RAPGEF4: variants seen among roughly 807,000 people sequenced by gnomAD.
RAPGEF4 encodes RAP guanine-nucleotide-exchange factor (GEF) 4.
RAPGEF4 carries 66 observed loss-of-function variants against 147.9 expected under a neutral mutation model. The ratio of observed to expected loss-of-function variants is 0.45; its 90% CI spans 0.37 to 0.55. The LOEUF (loss-of-function observed/expected upper bound fraction) is 0.55, where lower values mean the gene tolerates loss of function less well. Ranked by LOEUF, RAPGEF4 falls within the 20% of genes least tolerant of loss-of-function variation. The pLI is 0.00. For missense variants in RAPGEF4, 1,071 were observed against 1,257.3 expected (o/e 0.85, Z 2.24); for synonymous variants, 419 against 442.7 (o/e 0.95, Z 0.67).
rs564802766 is a variant in RAPGEF4, at chr2:172,766,408, C to T, written c.66-28617C>T. On this transcript the variant is annotated intron_variant, in intron 1 of 30. Transcript: ENST00000397081. Reference sequence around the variant, plus strand: ...CTCTACTAAAAATACTAAAATTAGCCGGGCATGCTGGCACGCGCCCATAGT... The same window carrying T: ...CTCTACTAAAAATACTAAAATTAGCTGGGCATGCTGGCACGCGCCCATAGT... Among the ~76,000 whole-genome samples the T allele has an allele frequency of 5.9e-5, 9 of 152,134 alleles. No homozygotes were observed. The East Asian group carries it at 1.2e-3, about 20-fold the overall frequency.
At position 172,925,184 on chromosome 2, in the gene RAPGEF4, T is replaced by A. The variant is rs557495672; in HGVS notation, c.537+2884T>A. On this transcript the variant is annotated intron_variant, in intron 6 of 30. Coordinates refer to ENST00000397081, the MANE Select transcript of RAPGEF4 (RefSeq NM_007023.4). Reference sequence around the variant, plus strand: ...TTAGTAGAGACAGGGTTTCATGATGTTAGCCAGGATGGTCTTGATCTCCTG... The same window carrying A: ...TTAGTAGAGACAGGGTTTCATGATGATAGCCAGGATGGTCTTGATCTCCTG... Among the ~76,000 whole-genome samples the A allele has an allele frequency of 7.8e-4, 119 of 152,340 alleles. 1 individual carries two copies. Among genetic ancestry groups the A allele is most frequent in the African/African-American group, 2.8e-3 (115 of 41,586 alleles).
At chr2:172,836,784 A>G (rs1354477372) in intron 4 of RAPGEF4, among the ~76,000 whole-genome samples, 1 of 152,246 alleles carries the variant, frequency 6.6e-6, no homozygotes, top group Non-Finnish European at 1.5e-5. Context: ...CTAGTCATTT[A>G]GTGCTTTCAA....
intron 4 of RAPGEF4, among the ~76,000 whole-genome samples, chr2:172,871,568 C>T (rs1326853727): frequency 6.6e-6 from 1 of 151,832 alleles, no homozygotes; most frequent in Non-Finnish European, 1.5e-5. Context: ...AAATAAGGTT[C>T]CCATTTCATA....
intron 1 of RAPGEF4, among the ~76,000 whole-genome samples, chr2:172,762,298 TAATCCAGCC>T (rs1202180554): frequency 6.6e-6 from 1 of 152,182 alleles, no homozygotes; most frequent in Admixed American, 6.5e-5. Context: ...CCCTCTCCAG[TAATCCAGCC>T]ACCCCACATG....
intron 1 of RAPGEF4, among the ~76,000 whole-genome samples, chr2:172,757,665 G>T (rs1477012656): frequency 6.6e-6 from 1 of 152,212 alleles, no homozygotes; most frequent in Non-Finnish European, 1.5e-5. Flanking sequence ...TGAATTAAGT[G>T]TATGAATGTC....
chr2:172,777,816 C>G (rs932440604), intron 1 of RAPGEF4, among the ~76,000 whole-genome samples: 5 of 152,050 alleles, frequency 3.3e-5, no homozygotes, highest in Admixed American at 6.6e-5. Flanking sequence ...TTCCCTTCTT[C>G]CTGGGATCAC....
chr2:173,011,337 A>G (rs774492366), intron 17 of RAPGEF4, among the ~76,000 whole-genome samples: 8 of 152,182 alleles, frequency 5.3e-5, no homozygotes, highest in Non-Finnish European at 8.8e-5. Context: ...AATAGTGGAA[A>G]GAGCCCTGTC....
chr2:172,753,256 G>C (rs866691985), intron 1 of RAPGEF4, among the ~76,000 whole-genome samples: 1 of 151,718 alleles, frequency 6.6e-6, no homozygotes, highest in African/African-American at 2.4e-5. Context: ...ATCACCTTTA[G>C]GGAAATAGTG....
At chr2:172,786,672 C>G (rs760957179) in intron 1 of RAPGEF4, among the ~76,000 whole-genome samples, 1 of 152,010 alleles carries the variant, frequency 6.6e-6, no homozygotes, top group South Asian at 2.1e-4. Context: ...GCCAGAAGTT[C>G]GAGACCAGCC....
intron 24 of RAPGEF4, 79 bp downstream of exon 24, chr2:173,026,776 T>C: frequency 6.5e-7 from 1 of 1,534,534 alleles, no homozygotes; most frequent in Non-Finnish European, 8.8e-7. Context: ...TTGTAAGTGC[T>C]AATATGTGCT....
At chr2:172,739,106 A>G (rs1198026070) in intron 1 of RAPGEF4, among the ~76,000 whole-genome samples, 2 of 152,180 alleles carry the variant, frequency 1.3e-5, no homozygotes, top group Non-Finnish European at 2.9e-5. Flanking sequence ...GACTGAGGAG[A>G]TGAGGGTCTA....
intron 4 of RAPGEF4, among the ~76,000 whole-genome samples, chr2:172,880,682 T>C (rs1412218850): frequency 1.3e-5 from 2 of 152,230 alleles, no homozygotes; most frequent in Non-Finnish European, 2.9e-5. Flanking sequence ...GTTAATAGCT[T>C]ATGTTCAAAT....
chr2:172,866,816 G>A (rs190863862), intron 4 of RAPGEF4, among the ~76,000 whole-genome samples: 4 of 152,036 alleles, frequency 2.6e-5, no homozygotes, highest in African/African-American at 9.6e-5. Flanking sequence ...TCTCCTTTGG[G>A]GCTGAAATAC....
intron 4 of RAPGEF4, among the ~76,000 whole-genome samples, chr2:172,846,046 C>G (rs1692146971): frequency 1.3e-5 from 2 of 152,204 alleles, no homozygotes; most frequent in South Asian, 2.1e-4. Context: ...GAGGACAAAC[C>G]TGTAGCTTAT....
chr2:172,864,491 G>C (rs1559083514), intron 4 of RAPGEF4, among the ~76,000 whole-genome samples: 1 of 152,098 alleles, frequency 6.6e-6, no homozygotes, highest in African/African-American at 2.4e-5. Context: ...TCCAGTGTAC[G>C]TCCCCCGATT....
At chr2:172,816,945 A>G (rs190964181) in intron 4 of RAPGEF4, among the ~76,000 whole-genome samples, 51 of 152,368 alleles carry the variant, frequency 3.3e-4, no homozygotes, top group Admixed American at 1.8e-3. Flanking sequence ...TAAACTGAAA[A>G]TGCAATAAAC....
intron 23 of RAPGEF4, among the ~76,000 whole-genome samples, chr2:173,024,933 C>T (rs1380843778): frequency 6.6e-6 from 1 of 152,216 alleles, no homozygotes; most frequent in African/African-American, 2.4e-5. Flanking sequence ...CATCCTTCCA[C>T]CCCAAGGGAC....
chr2:172,918,247 CTTTT>C (rs11332643), intron 5 of RAPGEF4, among the ~76,000 whole-genome samples: 5 of 87,610 alleles, frequency 5.7e-5, no homozygotes, highest in Non-Finnish European at 6.5e-5. Context: ...CCACCTCTTG[CTTTT>C]TTTTTTTTTT....
intron 1 of RAPGEF4, among the ~76,000 whole-genome samples, chr2:172,793,419 C>T (rs1165023406): frequency 6.6e-6 from 1 of 152,210 alleles, no homozygotes; most frequent in African/African-American, 2.4e-5. Context: ...CGGCTCTTAT[C>T]AGTCTCACCT....
Sources: gnomAD v4.1 joint callset for allele counts (sites outside exome capture counted in the v4.1 genomes callset) on GRCh38, gnomAD v4.1.1 for gene constraint, MANE v1.5 for transcripts, NCBI Gene and HGNC (gene_info 2026-07-23, HGNC 2026-07-21) for gene names.